The following COPG2 variants were observed in gnomAD, a reference collection of about 807,000 sequenced individuals.
The protein encoded by COPG2 is coatomer subunit gamma-2.
COPG2 carries 37 observed loss-of-function variants against 46.3 expected under a neutral mutation model. That is an observed-to-expected ratio of 0.80 (90% CI 0.61 to 1.05). The LOEUF (loss-of-function observed/expected upper bound fraction) is 1.05. Ranked by LOEUF, COPG2 falls within the 50% of genes least tolerant of loss-of-function variation. The probability of loss-of-function intolerance (pLI) is 0.00; values close to 1 mark genes in which losing one functional copy is unlikely to be tolerated. For synonymous variants in COPG2, 159 were observed against 129.7 expected, an observed-to-expected ratio of 1.23 and a Z score of -1.53; for missense variants, 427 against 387.8, an observed-to-expected ratio of 1.10 and a Z score of -0.85.
chr7:130,659,433 T>C (rs1405908737), intron 4 of COPG2, among the ~76,000 whole-genome samples: 1 of 151,194 alleles, frequency 6.6e-6, no homozygotes, highest in East Asian at 1.9e-4. Context: ...AGTCTCACTG[T>C]GTACATAAAC....
intron 9 of COPG2, among the ~76,000 whole-genome samples, chr7:130,578,038 G>T (rs1200725031): frequency 5.9e-5 from 9 of 152,246 alleles, no homozygotes; most frequent in Non-Finnish European, 1.0e-4. Flanking sequence ...CTCCACCTCT[G>T]GGGGCAGAGC....
intron 9 of COPG2, among the ~76,000 whole-genome samples, chr7:130,588,921 A>C (rs1554448448): frequency 1.3e-5 from 2 of 152,324 alleles, no homozygotes. Context: ...CTTTCCCAAT[A>C]TAAAAAAATA....
chr7:130,643,812 C>CA (rs1795539483), intron 5 of COPG2, among the ~76,000 whole-genome samples: 1 of 152,034 alleles, frequency 6.6e-6, no homozygotes, highest in Non-Finnish European at 1.5e-5. Context: ...AAAAAACACA[C>CA]ACACAAATTA....
Position 130,507,452 on chromosome 7 carries a change from C to G in COPG2, c.2387-80G>C, listed in dbSNP as rs1584956637. 5.2e-6 allele frequency: 4 copies of G among 763,380 alleles called. No individual in the cohort carries two copies. The East Asian group carries it at 9.8e-5, about 19-fold the overall frequency. The allele number at this position is 763,380 out of a possible 1,614,324, so 47.3% of individuals were successfully genotyped here. ...CCTCTGCACCAGTGTATGCTGGGAGCTGGGGTGGAAGGGTTTGTTGGTGAA... is the reference window on the plus strand; with the variant it reads ...CCTCTGCACCAGTGTATGCTGGGAGGTGGGGTGGAAGGGTTTGTTGGTGAA... On this transcript the variant is annotated intron_variant, in intron 22 of 23. Transcript: ENST00000425248.
At chr7:130,585,918 T>C (rs1794256484) in intron 9 of COPG2, among the ~76,000 whole-genome samples, 1 of 152,026 alleles carries the variant, frequency 6.6e-6, no homozygotes. Context: ...GGAGATTCCT[T>C]AAAGAACTAA....
At chr7:130,590,830 C>G (rs1490132195) in intron 9 of COPG2, among the ~76,000 whole-genome samples, 1 of 151,996 alleles carries the variant, frequency 6.6e-6, no homozygotes, top group Admixed American at 6.5e-5. Context: ...GCCCTGCCCC[C>G]CCGTCTGGGA....
At chr7:130,522,488 C>T (rs1466915092) in intron 20 of COPG2, among the ~76,000 whole-genome samples, 2 of 151,806 alleles carry the variant, frequency 1.3e-5, no homozygotes, top group East Asian at 1.9e-4. Context: ...CAGGCCGATA[C>T]GAAGGGGGTT....
At chr7:130,608,658 G>C (rs1257602118) in intron 9 of COPG2, among the ~76,000 whole-genome samples, 3 of 152,054 alleles carry the variant, frequency 2.0e-5, no homozygotes, top group Admixed American at 6.6e-5. Flanking sequence ...TTTCTAATGA[G>C]AAGTCAACGA....
intron 9 of COPG2, among the ~76,000 whole-genome samples, chr7:130,569,731 A>C (rs1395165473): frequency 1.3e-5 from 2 of 152,170 alleles, no homozygotes; most frequent in Admixed American, 1.3e-4. Context: ...CCCTAATACC[A>C]AAACCAGGAA....
rs1793808054 is a variant in COPG2 at position 130,566,635 on chromosome 7, C to T, written c.738-2242G>A. On this transcript the variant is annotated intron_variant, in intron 9 of 23. Coordinates refer to ENST00000425248, the MANE Select transcript of COPG2 (RefSeq NM_012133.6). Reference sequence around the variant, plus strand: ...TAATGCCAGGGCCCACCTCTGCTTACAGGCTGGGGCAATTTTAGGCCTGGG... The same window carrying T: ...TAATGCCAGGGCCCACCTCTGCTTATAGGCTGGGGCAATTTTAGGCCTGGG... Among the ~76,000 whole-genome samples, 3 of 152,148 alleles carry T rather than the reference C, an allele frequency of 2.0e-5. No homozygotes were observed. The East Asian group carries it at 5.8e-4, about 29-fold the overall frequency.
In COPG2 at chr7:130,604,680, A is replaced by C. The variant is rs1554450957; in HGVS notation, c.737+6273T>G. The C allele has an allele frequency of 5.9e-6, 3 of 506,170 alleles. No homozygotes were observed. The East Asian group carries it at 1.6e-4, about 28-fold the overall frequency. 31.4% of individuals were successfully genotyped at this position (506,170 alleles called of 1,614,324 possible). On this transcript the variant is annotated intron_variant, in intron 9 of 23. Transcript: ENST00000425248. Reference sequence around the variant, plus strand: ...ATTTTATTTTCTTCACTTATTGCACAAAGTAAGCCTTCTAGCAAAATACTA... The same window carrying C: ...ATTTTATTTTCTTCACTTATTGCACCAAGTAAGCCTTCTAGCAAAATACTA...
intron 20 of COPG2, among the ~76,000 whole-genome samples, chr7:130,542,572 C>T (rs1458941329): frequency 1.3e-5 from 2 of 151,938 alleles, no homozygotes; most frequent in East Asian, 3.9e-4. Context: ...TGTGGATTGA[C>T]TTGGAGGTGG....
In COPG2 at chr7:130,668,690, C is replaced by T; in HGVS notation, c.-22G>A. 1.3e-6 allele frequency: 2 copies of T among 1,527,186 alleles called. No individual in the cohort carries two copies. Among genetic ancestry groups the T allele is most frequent in the South Asian group, 1.2e-5 (1 of 80,988 alleles). 94.6% of individuals were successfully genotyped at this position (1,527,186 alleles called of 1,614,324 possible). A position where few individuals can be genotyped will look rare whatever the true frequency, so the allele number is the denominator to read the frequency against. ...TCATCTTGGACGACTTCCCAGCGCC[C>T]AGACCCACCGCAACCGTCCCAGGCG... On this transcript the variant is annotated 5_prime_UTR_variant, in exon 1 of 24. Coordinates refer to ENST00000425248, the MANE Select transcript of COPG2 (RefSeq NM_012133.6).
intron 20 of COPG2, among the ~76,000 whole-genome samples, chr7:130,528,520 A>G (rs1799794975): frequency 6.6e-6 from 1 of 152,042 alleles, no homozygotes; most frequent in Non-Finnish European, 1.5e-5. Flanking sequence ...GGGAGGAGGT[A>G]CCTGAGATCA....
intron 9 of COPG2, chr7:130,610,170 A>C: frequency 2.0e-6 from 1 of 499,540 alleles, no homozygotes; most frequent in Admixed American, 2.2e-5. Flanking sequence ...GTAGACACTG[A>C]TGTAACTAAT....
chr7:130,606,166 TA>T (rs768073314), intron 9 of COPG2, among the ~76,000 whole-genome samples: 1 of 151,258 alleles, frequency 6.6e-6, no homozygotes, highest in Non-Finnish European at 1.5e-5. Context: ...GCGGAGGTTG[TA>T]GTGAGCTGAG....
intron 5 of COPG2, among the ~76,000 whole-genome samples, chr7:130,624,363 T>A (rs887261529): frequency 2.6e-5 from 4 of 152,188 alleles, no homozygotes; most frequent in Admixed American, 2.0e-4. Flanking sequence ...GTAAATGGGG[T>A]TCTATCTACT....
intron 9 of COPG2, among the ~76,000 whole-genome samples, chr7:130,603,377 C>T (rs1007165781): frequency 2.0e-5 from 3 of 151,984 alleles, no homozygotes; most frequent in South Asian, 2.1e-4. Flanking sequence ...TATGAATATA[C>T]CACAATTTAT....
At chr7:130,571,864 C>G (rs371450640) in intron 9 of COPG2, among the ~76,000 whole-genome samples, 1 of 151,784 alleles carries the variant, frequency 6.6e-6, no homozygotes, top group Non-Finnish European at 1.5e-5. Context: ...TATATATACA[C>G]AAACGCGCGC....
Sources: gnomAD v4.1 joint callset for allele counts (sites outside exome capture counted in the v4.1 genomes callset) on GRCh38, gnomAD v4.1.1 for gene constraint, MANE v1.5 for transcripts, NCBI Gene and HGNC (gene_info 2026-07-23, HGNC 2026-07-21) for gene names.